JAKMIP3: variants seen among roughly 807,000 people sequenced by gnomAD.
The protein encoded by JAKMIP3 is janus kinase and microtubule-interacting protein 3.
Under a neutral mutation model 118.5 loss-of-function variants are expected in JAKMIP3, and 58 were observed. That is an observed-to-expected ratio of 0.49 (90% CI 0.40 to 0.61). JAKMIP3 has a LOEUF of 0.61. Among genes scored for constraint, JAKMIP3 ranks in the 20% least tolerant of loss-of-function variants. JAKMIP3 has a pLI of 0.00. For synonymous variants in JAKMIP3, 486 were observed against 451.2 expected (o/e 1.08, Z -0.98); for missense variants, 950 against 1,109.0 (o/e 0.86, Z 2.04).
intron 21 of JAKMIP3, among the ~76,000 whole-genome samples, chr10:132,164,961 C>T (rs569904986): frequency 6.6e-6 from 1 of 152,326 alleles, no homozygotes; most frequent in Admixed American, 6.5e-5. Flanking sequence ...ACAGGAGCCC[C>T]AGGGTCTAGG....
intron 3 of JAKMIP3, among the ~76,000 whole-genome samples, chr10:132,123,488 G>C (rs1202640423): frequency 6.6e-6 from 1 of 152,224 alleles, no homozygotes; most frequent in East Asian, 1.9e-4. Context: ...ATATACAGCA[G>C]TAATTAAAAC....
At chr10:132,088,919 C>T (rs1052745777) in intron 1 of JAKMIP3, among the ~76,000 whole-genome samples, 5 of 152,128 alleles carry the variant, frequency 3.3e-5, no homozygotes, top group African/African-American at 9.6e-5. Flanking sequence ...TTCAGCTTTC[C>T]ACATATGGCT....
chr10:132,134,843 T>C (rs2814183), intron 4 of JAKMIP3, among the ~76,000 whole-genome samples, 198 bp from the exon 5 acceptor site: 57,168 of 152,066 alleles, frequency 0.38, 11,878 homozygotes, highest in Non-Finnish European at 0.48. Context: ...TCGGTTCTGT[T>C]GCCTCACGCG....
chr10:132,180,073 C>G (rs1423194864), intron 23 of JAKMIP3, among the ~76,000 whole-genome samples: 1 of 152,204 alleles, frequency 6.6e-6, no homozygotes, highest in African/African-American at 2.4e-5. Flanking sequence ...ACATGCCAGG[C>G]CCTCAAAAGG....
chr10:132,107,822 G>C (rs530345165), intron 2 of JAKMIP3, among the ~76,000 whole-genome samples: 1 of 152,248 alleles, frequency 6.6e-6, no homozygotes, highest in Non-Finnish European at 1.5e-5. Context: ...CTGCAGCCCT[G>C]TACCTGGGTC....
intron 2 of JAKMIP3, among the ~76,000 whole-genome samples, chr10:132,107,629 G>A (rs992099099): frequency 6.6e-6 from 1 of 152,218 alleles, no homozygotes; most frequent in East Asian, 1.9e-4. Flanking sequence ...GCCTCCTCAA[G>A]CGTAACTGAC....
intron 1 of JAKMIP3, among the ~76,000 whole-genome samples, chr10:132,093,636 CA>C (rs2043406200): frequency 6.6e-6 from 1 of 152,200 alleles, no homozygotes; most frequent in Non-Finnish European, 1.5e-5. Context: ...TGCTGTCCAT[CA>C]CCGCTTCCCT....
At chr10:132,167,885 G>GGCCCTCGC (rs2059113697) in intron 22 of JAKMIP3, 68 bp from the exon 23 acceptor site, 8 of 693,704 alleles carry the variant, frequency 1.2e-5, no homozygotes, top group East Asian at 2.8e-4. Context: ...TCGCCCCTCG[G>GGCCCTCGC]CCCTCGCCCC....
At chr10:132,084,508 A>G (rs191009529) in intron 1 of JAKMIP3, among the ~76,000 whole-genome samples, 70 of 152,292 alleles carry the variant, frequency 4.6e-4, no homozygotes, top group African/African-American at 1.4e-3. Flanking sequence ...CTTCCTCTTT[A>G]TGGATTTGTA....
intron 10 of JAKMIP3, 37 bp from the exon 11 acceptor site, chr10:132,141,881 CTG>C (rs200660021): frequency 0.028 from 44,838 of 1,574,666 alleles, 802 homozygotes; most frequent in Non-Finnish European, 0.035. Flanking sequence ...GCTACTGACA[CTG>C]TGTCTCTGTG....
chr10:132,098,570 C>T (rs1056993250), intron 1 of JAKMIP3, among the ~76,000 whole-genome samples: 8 of 152,192 alleles, frequency 5.3e-5, no homozygotes, highest in Admixed American at 4.6e-4. Flanking sequence ...TAGCGTCCAT[C>T]GCAGTGGCCA....
At chr10:132,151,952 A>G (rs1233698114) in intron 16 of JAKMIP3, among the ~76,000 whole-genome samples, 1 of 152,232 alleles carries the variant, frequency 6.6e-6, no homozygotes, top group Non-Finnish European at 1.5e-5. Context: ...TTGACTTCAC[A>G]TGCAACTTGT....
Position 132,049,089 on chromosome 10 carries a change from A to G in JAKMIP3, c.-138+12351A>G, listed in dbSNP as rs1206729260. Reference sequence around the variant, plus strand: ...CCGGCCGACTCCATCAAGTTAATTGACCTTTTTGCCTGGAAGCCTTGAGGA... The same window carrying G: ...CCGGCCGACTCCATCAAGTTAATTGGCCTTTTTGCCTGGAAGCCTTGAGGA... On this transcript the variant is annotated intron_variant, in intron 1 of 23. Transcript: ENST00000657785. The surrounding 1 kb of genome is among the most constrained non-coding windows in gnomAD (Gnocchi z 4.3). Among the ~76,000 whole-genome samples the G allele has an allele frequency of 2.0e-5, 3 of 151,542 alleles. No individual in the cohort carries two copies. Among genetic ancestry groups the G allele is most frequent in the Non-Finnish European group, 4.4e-5 (3 of 67,942 alleles).
At position 132,150,002 on chromosome 10, in the gene JAKMIP3, G is replaced by T. The variant is rs373116868; in HGVS notation, c.1968G>T (p.Leu656=). The part of the protein sequence containing the change: ...EGVTDIVVAE[L]MKKLDILGDN... ...CTTAGGACATTGTGGTTGCGGAGCT[G>T]ATGAAGAAGCTGGACATCCTGGGCG... is the stretch of plus-strand genomic sequence containing the variant. The change falls in exon 16 of 24, where the codon CTG becomes CTT. Residue 656 remains leucine (L), a synonymous_variant. Transcript: ENST00000684848. 5.4e-5 allele frequency: 86 copies of T among 1,587,616 alleles called. 1 individual carries two copies. In the African/African-American group the frequency reaches 9.9e-4, roughly 18 times the overall value.
At chr10:132,109,105 C>CACACATATATATATATAT (rs2046428371) in intron 2 of JAKMIP3, among the ~76,000 whole-genome samples, 3 of 93,784 alleles carry the variant, frequency 3.2e-5, no homozygotes, top group Admixed American at 9.0e-5. Flanking sequence ...TATATATATA[C>CACACATATATATATATAT]ACACACACAT....
chr10:132,177,882 C>A (rs1450979711), intron 23 of JAKMIP3, among the ~76,000 whole-genome samples: 2 of 143,894 alleles, frequency 1.4e-5, no homozygotes, highest in Non-Finnish European at 3.0e-5. Flanking sequence ...CTCTTGTGCC[C>A]TGGGTAGTGC....
At chr10:132,081,816 G>C (rs1328415013) in intron 1 of JAKMIP3, among the ~76,000 whole-genome samples, 3 of 151,968 alleles carry the variant, frequency 2.0e-5, no homozygotes, top group Admixed American at 2.0e-4. Flanking sequence ...GCAGTGCACA[G>C]AGAACCACAC....
At chr10:132,084,435 T>TG (rs2042137979) in intron 1 of JAKMIP3, among the ~76,000 whole-genome samples, 2 of 152,236 alleles carry the variant, frequency 1.3e-5, no homozygotes, top group African/African-American at 4.8e-5. Context: ...AGGAGCTTTT[T>TG]GGAGGAGTCT....
chr10:132,164,700 G>A lies in JAKMIP3; in HGVS notation c.2455G>A (p.Ala819Thr). The A allele has an allele frequency of 6.2e-7, 1 of 1,600,946 alleles. No individual in the cohort carries two copies. Among genetic ancestry groups the A allele is most frequent in the South Asian group, 1.1e-5 (1 of 90,822 alleles). The change falls in exon 21 of 24, where the codon GCT becomes ACT. Residue 819 changes from alanine (A) to threonine (T), a missense_variant. Physicochemically the swap from Ala to Thr is moderately conservative, Grantham distance 58. Transcript: ENST00000684848. ...TAAAGAGTTAGAAGAAAGAATAGAA[G>A]CTCAGAAGAGACAAATAAAGGAACT... ...RIKELEERIE[A>T]QKRQIKELEE...
Sources: allele counts gnomAD v4.1 joint callset (sites outside exome capture counted in the v4.1 genomes callset), GRCh38; gene constraint gnomAD v4.1.1; non-coding constraint Gnocchi (gnomAD v3.1); transcripts MANE v1.5; gene names NCBI Gene and HGNC (gene_info 2026-07-23, HGNC 2026-07-21).